The following TBC1D14 variants were observed in gnomAD, a reference collection of about 807,000 sequenced individuals.
The protein encoded by TBC1D14 is TBC1 domain family, member 14.
Under a neutral mutation model 79.0 loss-of-function variants are expected in TBC1D14, and 26 were observed. The ratio of observed to expected loss-of-function variants is 0.33; its 90% CI spans 0.24 to 0.46. The LOEUF is 0.46. Among genes scored for constraint, TBC1D14 ranks in the 20% least tolerant of loss-of-function variants. TBC1D14 has a pLI of 1.00. For missense variants in TBC1D14, 769 were observed against 887.6 expected (o/e 0.87, Z 1.70); for synonymous variants, 394 against 349.9 (o/e 1.13, Z -1.40).
intron 12 of TBC1D14, among the ~76,000 whole-genome samples, chr4:7,018,302 G>A (rs1010104983): frequency 6.6e-6 from 1 of 152,232 alleles, no homozygotes; most frequent in Non-Finnish European, 1.5e-5. Flanking sequence ...GGCAGGGGCT[G>A]AGGGGCCTGT....
rs1720584157 is a variant in TBC1D14 at position 7,009,942 on chromosome 4, G to C, written c.1512G>C (p.Val504=). Reference sequence around the variant, plus strand: ...CTTATACTTGTTACCGGCCAGATGTGGGTTATGTAAGTGAAGTTTCTCAGT... The same window carrying C: ...CTTATACTTGTTACCGGCCAGATGTCGGTTATGTAAGTGAAGTTTCTCAGT... ...LGAYTCYRPD[V]GYVQGMSFIA... is the part of the protein sequence containing the mutation. The change falls in exon 10 of 14, where the codon GTG becomes GTC. Residue 504 remains valine, a synonymous_variant. Coordinates refer to ENST00000409757, the MANE Select transcript of TBC1D14 (RefSeq NM_020773.3). 6.2e-7 allele frequency: 1 copy of C among 1,614,020 alleles called. No homozygotes were observed. Among genetic ancestry groups the C allele is most frequent in the African/African-American group, 1.3e-5 (1 of 74,920 alleles).
intron 2 of TBC1D14, among the ~76,000 whole-genome samples, chr4:6,941,739 T>C (rs1712928506): frequency 1.3e-5 from 2 of 152,140 alleles, no homozygotes; most frequent in South Asian, 4.1e-4. Flanking sequence ...GGTTGTTTTG[T>C]GGGATGGGGT....
Position 6,926,437 on chromosome 4 carries a change from C to A in TBC1D14, c.722+2326C>A, listed in dbSNP as rs1037857281. Among the ~76,000 whole-genome samples, 3 of 152,290 alleles carry A rather than the reference C, an allele frequency of 2.0e-5. No homozygotes were observed. In the South Asian group the frequency reaches 6.2e-4, roughly 32 times the overall value. ...ATTTCTAGATCATTTCTAAAGCTACCGTTTCTTGGAAGTCATACTCAGCTT... is the reference window on the plus strand; with the variant it reads ...ATTTCTAGATCATTTCTAAAGCTACAGTTTCTTGGAAGTCATACTCAGCTT... On this transcript the variant is annotated intron_variant, in intron 2 of 13. Coordinates refer to ENST00000409757, the MANE Select transcript of TBC1D14 (RefSeq NM_020773.3).
At position 6,992,354 on chromosome 4, in the gene TBC1D14, G is replaced by A. The variant is rs77874114; in HGVS notation, c.844-1830G>A. ...TTGAGTGTATTCACAGATGATATTGGGCCGGCTCAGGGCGGCAGGCCCAGC... is the reference window on the plus strand; with the variant it reads ...TTGAGTGTATTCACAGATGATATTGAGCCGGCTCAGGGCGGCAGGCCCAGC... On this transcript the variant is annotated intron_variant, in intron 3 of 13. Transcript: ENST00000409757. Among the ~76,000 whole-genome samples the A allele has an allele frequency of 3.0e-4, 46 of 152,284 alleles. 1 individual carries two copies. In the East Asian group the frequency reaches 7.0e-3, roughly 23 times the overall value.
At chr4:6,962,387 G>C (rs548014712) in intron 2 of TBC1D14, among the ~76,000 whole-genome samples, 1 of 152,228 alleles carries the variant, frequency 6.6e-6, no homozygotes, top group East Asian at 1.9e-4. Context: ...TTGTTTACTT[G>C]CCGTGCCCTT....
intron 2 of TBC1D14, among the ~76,000 whole-genome samples, chr4:6,966,297 A>G (rs1715691845): frequency 6.6e-6 from 1 of 152,128 alleles, no homozygotes; most frequent in African/African-American, 2.4e-5. Flanking sequence ...CCTGGAAGCC[A>G]TTTGTTTTTA....
chr4:6,985,053 A>C (rs1450629061), intron 3 of TBC1D14, among the ~76,000 whole-genome samples: 1 of 152,230 alleles, frequency 6.6e-6, no homozygotes, highest in Non-Finnish European at 1.5e-5. Context: ...TGCCCCACTT[A>C]GATGGAGCGG....
rs147409798 is a variant in TBC1D14, at chr4:6,984,933, G to A, written c.844-9251G>A. Among the ~76,000 whole-genome samples, 22 of 152,296 alleles carry A rather than the reference G, an allele frequency of 1.4e-4. No individual in the cohort carries two copies. The East Asian group carries it at 4.0e-3, about 28-fold the overall frequency. ...CCCGTTGTGTACGATTGTGAACGCC[G>A]AAGAGATGGTGCAGCTCAATTGATG... On this transcript the variant is annotated intron_variant, in intron 3 of 13. Transcript: ENST00000409757.
chr4:6,916,144 G>A (rs200799048), intron 1 of TBC1D14, among the ~76,000 whole-genome samples: 1,317 of 120,090 alleles, frequency 0.011, 8 homozygotes, highest in Non-Finnish European at 0.015. Flanking sequence ...AAAAAAAAAA[G>A]GGATAAGAAT....
chr4:6,960,925 C>T (rs919885013), intron 2 of TBC1D14, among the ~76,000 whole-genome samples: 2 of 152,200 alleles, frequency 1.3e-5, no homozygotes, highest in Non-Finnish European at 2.9e-5. Context: ...CCTGACTACT[C>T]TTGTTGGGAA....
chr4:6,928,251 G>T (rs1724440546), intron 2 of TBC1D14, among the ~76,000 whole-genome samples: 1 of 152,180 alleles, frequency 6.6e-6, no homozygotes, highest in Non-Finnish European at 1.5e-5. Flanking sequence ...GGGAGGTGGG[G>T]GCACCTGGCT....
At chr4:6,981,379 C>T (rs1441600004) in intron 3 of TBC1D14, among the ~76,000 whole-genome samples, 3 of 152,080 alleles carry the variant, frequency 2.0e-5, no homozygotes, top group Non-Finnish European at 4.4e-5. Flanking sequence ...TTGCAAATCA[C>T]CAAAATTCAT....
At chr4:6,998,411 T>C (rs1038248380) in intron 5 of TBC1D14, among the ~76,000 whole-genome samples, 4 of 151,440 alleles carry the variant, frequency 2.6e-5, no homozygotes, top group African/African-American at 4.9e-5. Flanking sequence ...GCATGGAGCT[T>C]GCATTTGGAA....
chr4:7,016,837 A>G (rs980354447), intron 12 of TBC1D14, among the ~76,000 whole-genome samples: 1 of 152,210 alleles, frequency 6.6e-6, no homozygotes, highest in African/African-American at 2.4e-5. Flanking sequence ...GGCCTGGAGA[A>G]TAGTGTTGTC....
At chr4:6,953,149 C>T (rs1375134019) in intron 2 of TBC1D14, among the ~76,000 whole-genome samples, 18 of 150,342 alleles carry the variant, frequency 1.2e-4, no homozygotes, top group South Asian at 2.1e-4. Context: ...CTCAGCCTCC[C>T]GAGTAGCTGG....
At position 6,924,180 on chromosome 4, in the gene TBC1D14, C is replaced by T. The variant is rs1724094884; in HGVS notation, c.722+69C>T. The T allele has an allele frequency of 1.6e-5, 24 of 1,514,278 alleles. No individual in the cohort carries two copies. In the South Asian group the frequency reaches 3.0e-4, roughly 19 times the overall value. 93.8% of individuals were successfully genotyped at this position (1,514,278 alleles called of 1,614,324 possible). A position where few individuals can be genotyped will look rare whatever the true frequency, so the allele number is the denominator to read the frequency against. On this transcript the variant is annotated intron_variant, in intron 2 of 13. Transcript: ENST00000409757. ...CAGACCAGTCTCCTTGTTCCTGTCT[C>T]AAATGTGTTGTGTGTTCTCTGTGGT...
chr4:6,962,230 C>A (rs954768640), intron 2 of TBC1D14, among the ~76,000 whole-genome samples: 1 of 152,094 alleles, frequency 6.6e-6, no homozygotes, highest in Non-Finnish European at 1.5e-5. Context: ...GGAGAGGCAC[C>A]ACAGCTATGC....
intron 5 of TBC1D14, chr4:6,998,874 C>G (rs183897022): frequency 1.3e-5 from 7 of 540,974 alleles, no homozygotes; most frequent in East Asian, 3.3e-5. Context: ...ACTTTCCTGT[C>G]TAGATGTTAG....
At chr4:6,986,784 T>G (rs910527049) in intron 3 of TBC1D14, among the ~76,000 whole-genome samples, 1 of 152,218 alleles carries the variant, frequency 6.6e-6, no homozygotes, top group African/African-American at 2.4e-5. Flanking sequence ...TCCGTCTCCC[T>G]CCCGGCAGCC....
Sources: gnomAD v4.1 joint callset for allele counts (sites outside exome capture counted in the v4.1 genomes callset) on GRCh38, gnomAD v4.1.1 for gene constraint, MANE v1.5 for transcripts, NCBI Gene and HGNC (gene_info 2026-07-23, HGNC 2026-07-21) for gene names.